The following WDR62 variants were observed in gnomAD, a reference collection of about 807,000 sequenced individuals.
WDR62 encodes the protein WD repeat domain 62.
A neutral mutation model predicts 160.6 loss-of-function variants in WDR62; 112 were observed. The ratio of observed to expected loss-of-function variants is 0.70; its 90% confidence interval spans 0.60 to 0.82. The LOEUF (loss-of-function observed/expected upper bound fraction) is 0.82, where lower values mean the gene tolerates loss of function less well. WDR62 is among the 40% of genes least tolerant of loss of function. The probability of loss-of-function intolerance (pLI) is 0.00; values close to 1 mark genes in which losing one functional copy is unlikely to be tolerated. For missense variants in WDR62, 1,819 were observed against 1,983.8 expected, an observed-to-expected ratio of 0.92 and a Z score of 1.58; for synonymous variants, 792 against 815.1, an observed-to-expected ratio of 0.97 and a Z score of 0.48.
chr19:36,099,666 C>A, intron 22 of WDR62, 49 bp downstream of exon 22: 1 of 1,589,018 alleles, frequency 6.3e-7, no homozygotes, highest in Middle Eastern at 1.7e-4. Flanking sequence ...ACCGTGACGG[C>A]CCCAGGGCCT....
rs1972706901 is a variant in WDR62 at position 36,092,776 on chromosome 19, G to GCAC, written c.2299_2301dup (p.His767dup). Reference sequence around the variant, plus strand: ...AGATTGACCACCGGCAGCAGCAGCAGCACACAAATGACAAGAAGCGGAGTG... The same window carrying GCAC: ...AGATTGACCACCGGCAGCAGCAGCAGCACCACACAAATGACAAGAAGCGGAGTG... On this transcript the variant is annotated inframe_insertion, in exon 19 of 32. Transcript: ENST00000401500. The GCAC allele has an allele frequency of 1.9e-6, 3 of 1,614,134 alleles. No homozygotes were observed. The East Asian group carries it at 6.7e-5, about 36-fold the overall frequency.
In WDR62 at chr19:36,081,746, G is replaced by GC; in HGVS notation, c.1371+181dup. ...ACTGCCTCTTGTTTCTCTTTCTCCT[G>GC]CCCCCTCTCTGAGGTGGCACGCTCT... is the stretch of plus-strand genomic sequence containing the variant. On this transcript the variant is annotated intron_variant, in intron 10 of 31. Transcript: ENST00000401500. 3.7e-6 allele frequency: 3 copies of GC among 806,902 alleles called. No individual in the cohort carries two copies. In the South Asian group the frequency reaches 4.3e-5, roughly 12 times the overall value. The allele number at this position is 806,902 out of a possible 1,614,324, so 50.0% of individuals were successfully genotyped here. A position where few individuals can be genotyped will look rare whatever the true frequency, so the allele number is the denominator to read the frequency against.
chr19:36,109,791 C>A (rs555343692), downstream of WDR62, among the ~76,000 whole-genome samples: 2 of 151,662 alleles, frequency 1.3e-5, no homozygotes, highest in East Asian at 3.9e-4. Flanking sequence ...CGGTGGCTCA[C>A]GCCTGTAATC....
intron 20 of WDR62, among the ~76,000 whole-genome samples, chr19:36,096,518 A>C (rs1972966780): frequency 6.6e-6 from 1 of 151,996 alleles, no homozygotes. Context: ...ATCCTGGCTA[A>C]CATGGTGAAA....
At chr19:36,067,256 G>A in intron 5 of WDR62, 50 bp from the exon 6 acceptor site, 2 of 1,613,320 alleles carry the variant, frequency 1.2e-6, no homozygotes, top group South Asian at 1.1e-5. Context: ...GGCACAAACA[G>A]TCCAGTGGAA....
intron 7 of WDR62, among the ~76,000 whole-genome samples, chr19:36,069,310 C>T (rs1971145668): frequency 6.6e-6 from 1 of 151,946 alleles, no homozygotes; most frequent in Non-Finnish European, 1.5e-5. Context: ...CCTCACTTCT[C>T]AGATGGGACG....
At chr19:36,101,340 C>A in intron 24 of WDR62, 23 bp downstream of exon 24, 1 of 1,589,536 alleles carries the variant, frequency 6.3e-7, no homozygotes, top group Non-Finnish European at 8.6e-7. Context: ...CAGGCAGGGA[C>A]CCTGTGACAG....
At chr19:36,092,885 C>T (rs1972718047) in intron 19 of WDR62, 74 bp downstream of exon 19, 7 of 1,609,428 alleles carry the variant, frequency 4.3e-6, no homozygotes, top group Non-Finnish European at 5.1e-6. Context: ...GCTGGGGACA[C>T]AGTGGTGGCC....
At chr19:36,088,728 A>G (rs1384579441) in intron 13 of WDR62, among the ~76,000 whole-genome samples, 4 of 151,902 alleles carry the variant, frequency 2.6e-5, no homozygotes, top group African/African-American at 9.7e-5. Flanking sequence ...TCCTGCCTCT[A>G]CTCCGCTACT....
intron 13 of WDR62, among the ~76,000 whole-genome samples, chr19:36,088,066 C>T (rs1169998507): frequency 6.6e-6 from 1 of 152,202 alleles, no homozygotes; most frequent in East Asian, 1.9e-4. Context: ...ATATGGGGCT[C>T]ACTCCCTTCT....
At position 36,055,126 on chromosome 19, in the gene WDR62, C is replaced by A; in HGVS notation, c.155C>A (p.Ser52Tyr). The A allele has an allele frequency of 6.2e-7, 1 of 1,608,264 alleles. No homozygotes were observed. Among genetic ancestry groups the A allele is most frequent in the African/African-American group, 1.3e-5 (1 of 74,914 alleles). ...LRRRTRLSTA[S>Y]EETVQNRVSL... ...CGGCGGACGCGACTCTCGACGGCCT[C>A]CGAGGAGACGGTGCAGAACCGGGTG... Residue 52 changes from serine (S) to tyrosine (Y), a missense_variant, in exon 1 of 32, where the codon TCC becomes TAC. Physicochemically the swap from Ser to Tyr is moderately radical, Grantham distance 144 (BLOSUM62 -2). Coordinates refer to ENST00000401500, the MANE Select transcript of WDR62 (RefSeq NM_001083961.2).
chr19:36,098,854 C>T (rs79605776), intron 21 of WDR62, among the ~76,000 whole-genome samples: 1 of 152,060 alleles, frequency 6.6e-6, no homozygotes, highest in Admixed American at 6.5e-5. Context: ...TTTGGGAGGC[C>T]GAAACAGGAT....
Position 36,104,958 on chromosome 19 carries a change from T to C in WDR62, c.4502T>C (p.Leu1501Pro). ...PTLYPLASPD[L>P]QALLEHYSEL... ...CTGTACCCCCTGGCCAGCCCAGACCTGCAGGCCCTGCTGGAACACTACTCG... is the reference window on the plus strand; with the variant it reads ...CTGTACCCCCTGGCCAGCCCAGACCCGCAGGCCCTGCTGGAACACTACTCG... The change falls in exon 32 of 32, where the codon CTG becomes CCG. Residue 1501 changes from leucine (L) to proline (P), a missense_variant. Leu to Pro is a moderately conservative substitution (Grantham distance 98). Coordinates refer to ENST00000401500, the MANE Select transcript of WDR62 (RefSeq NM_001083961.2). 1 of 1,606,244 alleles carries C rather than the reference T, an allele frequency of 6.2e-7. No homozygotes were observed. Among genetic ancestry groups the C allele is most frequent in the Non-Finnish European group, 8.5e-7 (1 of 1,177,964 alleles).
At chr19:36,100,713 C>G in intron 22 of WDR62, 35 bp from the exon 23 acceptor site, 3 of 1,612,668 alleles carry the variant, frequency 1.9e-6, no homozygotes, top group Non-Finnish European at 2.5e-6. Flanking sequence ...CCCAGCCATG[C>G]CTGCCTCAGA....
At position 36,071,637 on chromosome 19, in the gene WDR62, G is replaced by C. The variant is rs587784561; in HGVS notation, c.964G>C (p.Ala322Pro). ...AGATGGGATAGTCCGCATCTTCCAGGCCCATAGCCTGCACTACCTCGCCAA... is the reference window on the plus strand; with the variant it reads ...AGATGGGATAGTCCGCATCTTCCAGCCCCATAGCCTGCACTACCTCGCCAA... ...CTDGIVRIFQ[A>P]HSLHYLANLP... The change falls in exon 8 of 32, where the codon GCC becomes CCC. Residue 322 changes from alanine (A) to proline (P), a missense_variant. By Grantham distance (27) the Ala-to-Pro change is conservative (BLOSUM62 -1). This residue lies in a region of WDR62 where 934 missense variants were observed against 1,157.2 expected (regional missense o/e 0.81). Transcript: ENST00000401500. 2.5e-6 allele frequency: 4 copies of C among 1,614,210 alleles called. No individual in the cohort carries two copies. The East Asian group carries it at 8.9e-5, about 36-fold the overall frequency.
At chr19:36,067,184 G>A in intron 5 of WDR62, 122 bp from the exon 6 acceptor site, 1 of 1,355,598 alleles carries the variant, frequency 7.4e-7, no homozygotes, top group Non-Finnish European at 1.0e-6. Context: ...CAGCTCCCTG[G>A]AGGGTCCCAG....
intron 26 of WDR62, 66 bp from the exon 27 acceptor site, chr19:36,102,671 G>A: frequency 6.8e-7 from 1 of 1,461,186 alleles, no homozygotes; most frequent in Non-Finnish European, 9.6e-7. Context: ...TGGGCTGTGG[G>A]CTGGCCTAGG....
intron 13 of WDR62, among the ~76,000 whole-genome samples, chr19:36,088,008 G>A (rs1020916747): frequency 3.9e-5 from 6 of 152,240 alleles, no homozygotes; most frequent in Admixed American, 6.5e-5. Flanking sequence ...CATTACCAGA[G>A]GCTTGCAGGC....
intron 21 of WDR62, among the ~76,000 whole-genome samples, chr19:36,098,955 C>T (rs1019439552): frequency 1.3e-5 from 2 of 152,156 alleles, no homozygotes; most frequent in African/African-American, 4.8e-5. Flanking sequence ...GGCGCAGTGG[C>T]TCATGCCTGT....
Sources: allele counts gnomAD v4.1 joint callset (sites outside exome capture counted in the v4.1 genomes callset), GRCh38; gene constraint gnomAD v4.1.1; regional missense constraint gnomAD v4.1.1; transcripts MANE v1.5; gene names NCBI Gene and HGNC (gene_info 2026-07-23, HGNC 2026-07-21).